SLC39A9: variants seen among roughly 807,000 people sequenced by gnomAD.
SLC39A9 encodes zinc transporter ZIP9.
In SLC39A9, 14 loss-of-function variants were observed where a neutral mutation model predicts 28.4. The observed-to-expected ratio is 0.49, with a 90% CI of 0.33 to 0.77. The LOEUF (loss-of-function observed/expected upper bound fraction) is 0.77. SLC39A9 is among the 30% of genes least tolerant of loss of function. The probability of loss-of-function intolerance (pLI) is 0.02; values close to 1 mark genes in which losing one functional copy is unlikely to be tolerated. For synonymous variants in SLC39A9, 119 were observed against 149.6 expected, an observed-to-expected ratio of 0.80 and a Z score of 1.49; for missense variants, 283 against 381.1, an observed-to-expected ratio of 0.74 and a Z score of 2.14.
At chr14:69,403,593 A>G (rs1026866050) in intron 1 of SLC39A9, among the ~76,000 whole-genome samples, 1 of 152,254 alleles carries the variant, frequency 6.6e-6, no homozygotes, top group Admixed American at 6.5e-5. Flanking sequence ...AGAAAATACA[A>G]GCCCAAATGT....
intron 1 of SLC39A9, among the ~76,000 whole-genome samples, chr14:69,423,235 G>A (rs1335120147): frequency 2.0e-5 from 3 of 152,024 alleles, no homozygotes; most frequent in Non-Finnish European, 4.4e-5. Context: ...TTTCCTCATA[G>A]CAGCATATTG....
Position 69,460,851 on chromosome 14 carries a change from C to T in SLC39A9, c.*2258C>T, listed in dbSNP as rs1431431547. On this transcript the variant is annotated 3_prime_UTR_variant, in exon 7 of 7. Coordinates refer to ENST00000336643, the MANE Select transcript of SLC39A9 (RefSeq NM_018375.5). The stretch of plus-strand genomic sequence containing the variant: ...GCTGCCTCGAGAACTACTCATTTCT[C>T]TCCTGGTCAGCAGACAGAAATAGCC... 2.0e-6 allele frequency: 2 copies of T among 985,326 alleles called. No homozygotes were observed. The highest frequency in any genetic ancestry group is 1.7e-5 in the African/African-American group (1 of 57,228). The allele number at this position is 985,326 out of a possible 1,614,324, so 61.0% of individuals were successfully genotyped here.
intron 1 of SLC39A9, among the ~76,000 whole-genome samples, chr14:69,407,437 A>T (rs1882998090): frequency 6.6e-6 from 1 of 150,986 alleles, no homozygotes. Flanking sequence ...TCCCAGGTTC[A>T]AGTGATTCTC....
chr14:69,448,483 A>G (rs146996386), intron 3 of SLC39A9, among the ~76,000 whole-genome samples: 20 of 152,344 alleles, frequency 1.3e-4, no homozygotes, highest in African/African-American at 4.8e-4. Flanking sequence ...CATCACCATT[A>G]TAACATTTCA....
chr14:69,422,108 A>C (rs1429729954), intron 1 of SLC39A9, among the ~76,000 whole-genome samples: 1 of 152,314 alleles, frequency 6.6e-6, no homozygotes, highest in East Asian at 1.9e-4. Context: ...GGAGCTGCAG[A>C]CCGGAATTGT....
chr14:69,454,766 T>G, intron 4 of SLC39A9, 46 bp from the exon 5 acceptor site: 1 of 1,493,324 alleles, frequency 6.7e-7, no homozygotes, highest in Non-Finnish European at 9.3e-7. Context: ...ACTGTTATTG[T>G]TGTTGTTGTT....
At chr14:69,404,150 CAGG>C (rs1359360697) in intron 1 of SLC39A9, among the ~76,000 whole-genome samples, 3 of 152,162 alleles carry the variant, frequency 2.0e-5, no homozygotes, top group Non-Finnish European at 4.4e-5. Flanking sequence ...CACTTGAGCC[CAGG>C]AGTTCAGGGT....
intron 1 of SLC39A9, among the ~76,000 whole-genome samples, chr14:69,414,415 G>A (rs1566909787): frequency 1.3e-5 from 2 of 152,212 alleles, no homozygotes; most frequent in South Asian, 4.1e-4. Context: ...TAATGTTACT[G>A]ACATAAAATT....
intron 6 of SLC39A9, among the ~76,000 whole-genome samples, chr14:69,456,671 T>G (rs1013038369): frequency 6.6e-6 from 1 of 152,210 alleles, no homozygotes; most frequent in Non-Finnish European, 1.5e-5. Context: ...AGATGTCAAC[T>G]GGCAGGCAAC....
At chr14:69,425,556 A>C (rs1884144075) in intron 2 of SLC39A9, among the ~76,000 whole-genome samples, 1 of 152,214 alleles carries the variant, frequency 6.6e-6, no homozygotes, top group Admixed American at 6.5e-5. Context: ...GAAACACTGG[A>C]GTAGAGGAAA....
intron 1 of SLC39A9, among the ~76,000 whole-genome samples, chr14:69,418,327 G>C (rs767942928): frequency 6.6e-6 from 1 of 152,044 alleles, no homozygotes; most frequent in Non-Finnish European, 1.5e-5. Flanking sequence ...ACTTGGTCTT[G>C]GTGGATAAGC....
chr14:69,420,165 C>T (rs1043587710), intron 1 of SLC39A9, among the ~76,000 whole-genome samples: 3 of 152,142 alleles, frequency 2.0e-5, no homozygotes, highest in African/African-American at 7.2e-5. Flanking sequence ...TTAGTGCTTC[C>T]TTCAGGAGCT....
intron 6 of SLC39A9, among the ~76,000 whole-genome samples, chr14:69,456,569 G>C (rs1480613558): frequency 2.0e-5 from 3 of 152,122 alleles, no homozygotes; most frequent in Non-Finnish European, 4.4e-5. Flanking sequence ...TCAGACCTGA[G>C]GTAACATGTG....
At chr14:69,402,227 A>G (rs1387108952) in intron 1 of SLC39A9, among the ~76,000 whole-genome samples, 2 of 147,020 alleles carry the variant, frequency 1.4e-5, no homozygotes, top group African/African-American at 5.0e-5. Context: ...TGATGAGCTA[A>G]AAAAAAAAAA....
chr14:69,442,810 C>T (rs936951323), intron 3 of SLC39A9, among the ~76,000 whole-genome samples: 6 of 152,062 alleles, frequency 3.9e-5, no homozygotes, highest in Non-Finnish European at 8.8e-5. Flanking sequence ...ATATGCTTGG[C>T]TTAAGAACAT....
At chr14:69,445,221 G>T (rs972590122) in intron 3 of SLC39A9, among the ~76,000 whole-genome samples, 3 of 151,860 alleles carry the variant, frequency 2.0e-5, no homozygotes, top group Non-Finnish European at 2.9e-5. Context: ...ACTGAGTGTG[G>T]CTGCCTCTCC....
chr14:69,459,243 G>A lies in SLC39A9; in HGVS notation c.*650G>A, dbSNP rs1018320281. 1.0e-6 allele frequency: 1 copy of A among 985,450 alleles called. No individual in the cohort carries two copies. The highest frequency in any genetic ancestry group is 1.1e-4 in the East Asian group (1 of 8,812). 61.0% of individuals were successfully genotyped at this position (985,450 alleles called of 1,614,324 possible). On this transcript the variant is annotated 3_prime_UTR_variant, in exon 7 of 7. Transcript: ENST00000336643. The stretch of plus-strand genomic sequence containing the variant: ...GATTTAAACAGCTCCTTTGGCACGT[G>A]CCTCTCTGAATCCAGCCTGCCATTC...
In SLC39A9 at chr14:69,442,149, G is replaced by A. The variant is rs766279793; in HGVS notation, c.286G>A (p.Glu96Lys). 3.7e-6 allele frequency: 6 copies of A among 1,614,186 alleles called. No homozygotes were observed. The highest frequency in any genetic ancestry group is 2.2e-5 in the South Asian group (2 of 91,086). The stretch of plus-strand genomic sequence containing the variant: ...AGAAAAATCAGTTGTCCATGAACAT[G>A]AGCACAGCCACGACCACACACAGCT... The part of the protein sequence containing the change: ...AAEKSVVHEH[E>K]HSHDHTQLHA... The change falls in exon 3 of 7, where the codon GAG becomes AAG. Residue 96 changes from glutamate (E) to lysine (K), a missense_variant. Glu to Lys is a moderately conservative substitution (Grantham distance 56). Transcript: ENST00000336643.
At position 69,459,368 on chromosome 14, in the gene SLC39A9, A is replaced by G; in HGVS notation, c.*775A>G. On this transcript the variant is annotated 3_prime_UTR_variant, in exon 7 of 7. Transcript: ENST00000336643. Reference sequence around the variant, plus strand: ...TCTCCTTTGCAGAATACCTGTCTCCACATTCCTAGAGAGGAGCCAAGTTCT... The same window carrying G: ...TCTCCTTTGCAGAATACCTGTCTCCGCATTCCTAGAGAGGAGCCAAGTTCT... 3.0e-6 allele frequency: 3 copies of G among 985,436 alleles called. No individual in the cohort carries two copies. The highest frequency in any genetic ancestry group is 3.6e-6 in the Non-Finnish European group (3 of 829,932). 61.0% of individuals were successfully genotyped at this position (985,436 alleles called of 1,614,324 possible).
Sources: allele counts gnomAD v4.1 joint callset (sites outside exome capture counted in the v4.1 genomes callset), GRCh38; gene constraint gnomAD v4.1.1; transcripts MANE v1.5; gene names NCBI Gene and HGNC (gene_info 2026-07-23, HGNC 2026-07-21).